Variants in FBXL17 observed in about 807,000 individuals in gnomAD.
FBXL17 encodes F-box and leucine rich repeat protein 17.
Under a neutral mutation model 66.2 loss-of-function variants are expected in FBXL17, and 22 were observed. The ratio of observed to expected loss-of-function variants is 0.33; its 90% CI spans 0.24 to 0.47. FBXL17 has a LOEUF of 0.47. Ranked by LOEUF, FBXL17 falls within the 20% of genes least tolerant of loss-of-function variation. FBXL17 has a pLI of 1.00. For missense variants in FBXL17, 878 were observed against 948.2 expected, an observed-to-expected ratio of 0.93 and a Z score of 0.97; for synonymous variants, 474 against 400.5, an observed-to-expected ratio of 1.18 and a Z score of -2.19.
chr5:108,141,590 G>A (rs1399934930), intron 6 of FBXL17, among the ~76,000 whole-genome samples: 1 of 152,122 alleles, frequency 6.6e-6, no homozygotes, highest in Admixed American at 6.5e-5. Context: ...ACATCTACAG[G>A]AGTTCTATTT....
intron 7 of FBXL17, among the ~76,000 whole-genome samples, chr5:108,007,479 C>T (rs546775987): frequency 5.8e-4 from 88 of 152,100 alleles, no homozygotes; most frequent in Middle Eastern, 3.4e-3. Context: ...TCCAAAAATA[C>T]ACTACACAGC....
intron 6 of FBXL17, among the ~76,000 whole-genome samples, chr5:108,162,081 C>G (rs1032743331): frequency 2.0e-5 from 3 of 152,148 alleles, no homozygotes; most frequent in Non-Finnish European, 4.4e-5. Flanking sequence ...CTCTATGAGG[C>G]AAATATTGCT....
intron 4 of FBXL17, among the ~76,000 whole-genome samples, chr5:108,265,555 A>G (rs1470865474): frequency 8.5e-5 from 13 of 152,176 alleles, no homozygotes; most frequent in Non-Finnish European, 1.5e-5. Context: ...TAATCTCTAT[A>G]TCATTCATTA....
intron 4 of FBXL17, among the ~76,000 whole-genome samples, chr5:108,286,105 A>T (rs1391413784): frequency 2.0e-5 from 3 of 151,998 alleles, no homozygotes; most frequent in Non-Finnish European, 2.9e-5. Flanking sequence ...TTCATGTTAA[A>T]AACCCTCAAC....
chr5:108,196,658 T>A (rs987640982), intron 5 of FBXL17, among the ~76,000 whole-genome samples: 1 of 152,208 alleles, frequency 6.6e-6, no homozygotes, highest in Middle Eastern at 3.2e-3. Context: ...ATGACTTTAT[T>A]TATTTAAGTT....
At chr5:108,091,884 A>G (rs982093986) in intron 6 of FBXL17, among the ~76,000 whole-genome samples, 1 of 152,224 alleles carries the variant, frequency 6.6e-6, no homozygotes, top group Non-Finnish European at 1.5e-5. Flanking sequence ...ATTATGTTGT[A>G]GATTAGAATA....
intron 6 of FBXL17, among the ~76,000 whole-genome samples, chr5:108,155,726 C>T (rs748325343): frequency 3.3e-5 from 5 of 151,924 alleles, no homozygotes; most frequent in South Asian, 2.1e-4. Flanking sequence ...TTTCTGTAAA[C>T]GCCTAAAATG....
At chr5:107,985,381 T>A (rs1238168504) in intron 7 of FBXL17, among the ~76,000 whole-genome samples, 1 of 152,208 alleles carries the variant, frequency 6.6e-6, no homozygotes, top group Non-Finnish European at 1.5e-5. Context: ...GCCAAGTGTC[T>A]CAAGAGGAAG....
intron 7 of FBXL17, among the ~76,000 whole-genome samples, chr5:107,949,288 C>A (rs1052448818): frequency 6.6e-6 from 1 of 151,886 alleles, no homozygotes; most frequent in Non-Finnish European, 1.5e-5. Context: ...TGGTTTTATT[C>A]TAGGTACCAT....
At chr5:107,917,873 TACATG>T (rs1750183059) in intron 7 of FBXL17, among the ~76,000 whole-genome samples, 1 of 152,152 alleles carries the variant, frequency 6.6e-6, no homozygotes, top group African/African-American at 2.4e-5. Flanking sequence ...CTCAATAACT[TACATG>T]AGTTAAGCAG....
intron 7 of FBXL17, among the ~76,000 whole-genome samples, chr5:107,921,066 T>G (rs1383986180): frequency 6.6e-6 from 1 of 152,174 alleles, no homozygotes; most frequent in Admixed American, 6.5e-5. Context: ...AAAGGGTAAA[T>G]GATTTAAAAA....
At position 107,973,479 on chromosome 5, in the gene FBXL17, T is replaced by C. The variant is rs551324292; in HGVS notation, c.1822+47446A>G. ...GGAAGCCAAAAGATTGGACACCCCA[T>C]TTTTAGAGTGTGCACCACTCTGCTA... On this transcript the variant is annotated intron_variant, in intron 7 of 8. Coordinates refer to ENST00000542267, the MANE Select transcript of FBXL17 (RefSeq NM_001163315.3). 1.2e-4 allele frequency among the ~76,000 whole-genome samples: 18 copies of C among 151,664 alleles called. No individual in the cohort carries two copies. The East Asian group carries it at 3.5e-3, about 30-fold the overall frequency.
intron 7 of FBXL17, among the ~76,000 whole-genome samples, chr5:107,959,806 T>C (rs1751822392): frequency 6.6e-6 from 1 of 152,196 alleles, no homozygotes; most frequent in African/African-American, 2.4e-5. Context: ...ACCTCTGAGC[T>C]CTCTGCTTCT....
intron 7 of FBXL17, among the ~76,000 whole-genome samples, chr5:108,019,725 A>T (rs1717725892): frequency 6.6e-6 from 1 of 152,042 alleles, no homozygotes; most frequent in Non-Finnish European, 1.5e-5. Context: ...TAGGGTCTAG[A>T]CAATGCAAGA....
chr5:108,224,544 C>CAT (rs1395951598), intron 4 of FBXL17, among the ~76,000 whole-genome samples: 2 of 144,898 alleles, frequency 1.4e-5, no homozygotes, highest in African/African-American at 2.9e-5. Context: ...CACACACACA[C>CAT]ACACACACAC....
chr5:108,123,299 T>C (rs908275591), intron 6 of FBXL17, among the ~76,000 whole-genome samples: 4 of 152,068 alleles, frequency 2.6e-5, no homozygotes, highest in African/African-American at 9.7e-5. Context: ...TCAATTTTCC[T>C]CTTCCCACCT....
intron 8 of FBXL17, chr5:107,880,062 G>A (rs1274644329): frequency 1.6e-5 from 5 of 318,252 alleles, no homozygotes; most frequent in Non-Finnish European, 1.8e-5. Context: ...CTGGTGTCCA[G>A]TATAGGTTTT....
chr5:108,367,994 T>G (rs1043622862), intron 1 of FBXL17, 41 bp from the exon 2 acceptor site: 7 of 1,509,990 alleles, frequency 4.6e-6, no homozygotes, highest in Non-Finnish European at 6.2e-6. Context: ...GTGCTAAACA[T>G]TTTCAAGGCA....
chr5:108,176,010 T>C (rs1189863170), intron 6 of FBXL17, among the ~76,000 whole-genome samples: 2 of 152,220 alleles, frequency 1.3e-5, no homozygotes, highest in Non-Finnish European at 2.9e-5. Context: ...TGAGTTATTT[T>C]AATTGCCACT....
Sources: gnomAD v4.1 joint callset for allele counts (sites outside exome capture counted in the v4.1 genomes callset) on GRCh38, gnomAD v4.1.1 for gene constraint, MANE v1.5 for transcripts, NCBI Gene and HGNC (gene_info 2026-07-23, HGNC 2026-07-21) for gene names.